The following COL23A1 variants were observed in gnomAD, a reference collection of about 807,000 sequenced individuals.
COL23A1 encodes the protein collagen type XXIII alpha 1 chain, also known as collagen alpha-1(XXIII) chain.
Under a neutral mutation model 99.3 loss-of-function variants are expected in COL23A1, and 97 were observed. The ratio of observed to expected loss-of-function variants is 0.98; its 90% CI spans 0.83 to 1.16. The LOEUF (loss-of-function observed/expected upper bound fraction) is 1.16, where lower values mean the gene tolerates loss of function less well. Ranked by LOEUF, COL23A1 falls within the 50% of genes most tolerant of loss-of-function variation. The pLI is 0.00. For synonymous variants in COL23A1, 320 were observed against 308.2 expected, an observed-to-expected ratio of 1.04 and a Z score of -0.40; for missense variants, 762 against 757.4, an observed-to-expected ratio of 1.01 and a Z score of -0.07.
chr5:178,579,314 A>G (rs1053934295), intron 1 of COL23A1, among the ~76,000 whole-genome samples: 1 of 152,236 alleles, frequency 6.6e-6, no homozygotes, highest in African/African-American at 2.4e-5. Flanking sequence ...ATTCTCACAG[A>G]AACTTTGTGA....
Position 178,306,919 on chromosome 5 carries a change from C to G in COL23A1, c.362G>C (p.Gly121Ala). 3 of 1,529,374 alleles carry G rather than the reference C, an allele frequency of 2.0e-6. No homozygotes were observed. The highest frequency in any genetic ancestry group is 2.6e-6 in the Non-Finnish European group (3 of 1,137,848). 94.7% of individuals were successfully genotyped at this position (1,529,374 alleles called of 1,614,324 possible). A position where few individuals can be genotyped will look rare whatever the true frequency, so the allele number is the denominator to read the frequency against. ...AGGCTTGCCGCGCCGTCCAGGGGGC[C>G]CTAGACAGGAAAACAAGAATGCATT... ...EAPSECVCPP[G>A]PPGRRGKPGR... Residue 121 changes from glycine to alanine, a missense_variant and splice_region_variant, in exon 3 of 29, where the codon GGG becomes GCG. Physicochemically the swap from Gly to Ala is moderately conservative, Grantham distance 60 (BLOSUM62 0). Transcript: ENST00000390654. This position sits in a 1 kb window ranked among gnomAD's most constrained non-coding sequence, Gnocchi z 4.1.
At position 178,369,775 on chromosome 5, in the gene COL23A1, A is replaced by G. The variant is rs997658851; in HGVS notation, c.362-62856T>C. ...CCCAGCCAGGTGGAACTGTAAGTCC[A>G]TTAAATCTCTTTCTTTTGTAAACTG... On this transcript the variant is annotated intron_variant, in intron 2 of 28. Coordinates refer to ENST00000390654, the MANE Select transcript of COL23A1 (RefSeq NM_173465.4). Among the ~76,000 whole-genome samples, 4 of 152,198 alleles carry G rather than the reference A, an allele frequency of 2.6e-5. No individual in the cohort carries two copies. In the East Asian group the frequency reaches 5.8e-4, roughly 22 times the overall value.
At chr5:178,253,364 C>T (rs11249796) in intron 16 of COL23A1, among the ~76,000 whole-genome samples, 48,408 of 151,642 alleles carry the variant, frequency 0.32, 7,897 homozygotes, top group East Asian at 0.57. Flanking sequence ...TACCCTCCCC[C>T]AGGCCCAGGC....
chr5:178,485,058 A>C lies in COL23A1; in HGVS notation c.361+75624T>G, dbSNP rs1046674076. ...GGCTCTGGCAATCTTGACCTAAAAA[A>C]TTAATGAAATGTGTAAAAATGTACT... On this transcript the variant is annotated intron_variant, in intron 2 of 28. Transcript: ENST00000390654. Among the ~76,000 whole-genome samples the C allele has an allele frequency of 2.6e-5, 4 of 152,230 alleles. No individual in the cohort carries two copies. In the East Asian group the frequency reaches 5.8e-4, roughly 22 times the overall value.
chr5:178,248,549 T>G (rs1764839825), intron 19 of COL23A1, among the ~76,000 whole-genome samples: 1 of 152,094 alleles, frequency 6.6e-6, no homozygotes, highest in African/African-American at 2.4e-5. Context: ...TCTAGCCCAG[T>G]GACCATCAGG....
chr5:178,334,212 C>T (rs1005562599), intron 2 of COL23A1, among the ~76,000 whole-genome samples: 1 of 152,192 alleles, frequency 6.6e-6, no homozygotes, highest in Non-Finnish European at 1.5e-5. Flanking sequence ...TAAGCAGCCT[C>T]ACCTCACGTT....
chr5:178,526,948 G>A (rs760696309), intron 2 of COL23A1, among the ~76,000 whole-genome samples: 42 of 152,192 alleles, frequency 2.8e-4, no homozygotes, highest in Non-Finnish European at 3.8e-4. Flanking sequence ...CCAAAAAGAC[G>A]GCCTCCTTTG....
intron 2 of COL23A1, among the ~76,000 whole-genome samples, chr5:178,433,498 C>T (rs1482256516): frequency 6.6e-6 from 1 of 152,144 alleles, no homozygotes; most frequent in African/African-American, 2.4e-5. Context: ...ACTACGGGCA[C>T]AGTTGATCAG....
chr5:178,386,439 CAA>C (rs11329976), intron 2 of COL23A1, among the ~76,000 whole-genome samples: 3,240 of 138,044 alleles, frequency 0.023, 114 homozygotes, highest in African/African-American at 0.078. Flanking sequence ...ACTCCGTCTC[CAA>C]AAAAAAAAAA....
chr5:178,526,005 G>GTAGT (rs1379095834), intron 2 of COL23A1, among the ~76,000 whole-genome samples: 3 of 152,232 alleles, frequency 2.0e-5, no homozygotes, highest in Non-Finnish European at 4.4e-5. Flanking sequence ...ACAGCTTGAG[G>GTAGT]TAGTCAGCAC....
chr5:178,347,143 C>T (rs1302783717), intron 2 of COL23A1, among the ~76,000 whole-genome samples: 4 of 152,174 alleles, frequency 2.6e-5, no homozygotes, highest in Non-Finnish European at 4.4e-5. Flanking sequence ...CGCACTGGCC[C>T]GAGACCTTTC....
chr5:178,249,716 A>ACACACACACACTCACTCTCTCTCTCTCT, intron 18 of COL23A1, among the ~76,000 whole-genome samples: 35 of 92,808 alleles, frequency 3.8e-4, no homozygotes, highest in African/African-American at 9.8e-4. Flanking sequence ...ACACACACAC[A>ACACACACACACTCACTCTCTCTCTCTCT]CTCTCTCTCT....
chr5:178,403,910 A>T (rs1193065130), intron 2 of COL23A1, among the ~76,000 whole-genome samples: 1 of 152,264 alleles, frequency 6.6e-6, no homozygotes, highest in Admixed American at 6.5e-5. Flanking sequence ...ATGGCCTCGA[A>T]GCCACAGGCT....
intron 2 of COL23A1, among the ~76,000 whole-genome samples, chr5:178,401,072 A>G (rs1764421602): frequency 2.0e-5 from 3 of 152,228 alleles, no homozygotes; most frequent in Admixed American, 2.0e-4. Context: ...TATTCTAGGT[A>G]CCTCACATCA....
chr5:178,320,230 G>A (rs1759216221), intron 2 of COL23A1, among the ~76,000 whole-genome samples: 1 of 152,242 alleles, frequency 6.6e-6, no homozygotes, highest in African/African-American at 2.4e-5. Context: ...CTCCCTGAGG[G>A]CAGGGCTCCT....
chr5:178,552,705 TTA>T lies in COL23A1; in HGVS notation c.361+7975_361+7976del, dbSNP rs1491524259. On this transcript the variant is annotated intron_variant, in intron 2 of 28. Transcript: ENST00000390654. Reference sequence around the variant, plus strand: ...TGAGCTCCTAACTCACCAAAAAAAATTAAAAAAAAAAAAAAAAAAATTTTTTT... The same window carrying T: ...TGAGCTCCTAACTCACCAAAAAAAATAAAAAAAAAAAAAAAAAATTTTTTT... Among the ~76,000 whole-genome samples the T allele has an allele frequency of 5.5e-5, 5 of 90,372 alleles. 1 individual carries two copies. Among genetic ancestry groups the T allele is most frequent in the Middle Eastern group, 0.014 (2 of 138 alleles). The allele number at this position is 90,372 out of a possible 152,430, so 59.3% of individuals were successfully genotyped here.
At chr5:178,552,650 A>G (rs1262962266) in intron 2 of COL23A1, among the ~76,000 whole-genome samples, 2 of 151,718 alleles carry the variant, frequency 1.3e-5, no homozygotes, top group Admixed American at 1.3e-4. Context: ...TTTTGAAAGC[A>G]GGAGTTCGAG....
intron 25 of COL23A1, among the ~76,000 whole-genome samples, chr5:178,244,506 GC>G (rs1764570087): frequency 6.6e-6 from 1 of 152,210 alleles, no homozygotes; most frequent in Admixed American, 6.5e-5. Flanking sequence ...ACCAGGGAGA[GC>G]CCATGAAACT....
rs143952504 is a variant in COL23A1, at chr5:178,490,735, C to T, written c.361+69947G>A. 6.4e-3 allele frequency among the ~76,000 whole-genome samples: 976 copies of T among 152,148 alleles called. 14 individuals are homozygous for T. Among genetic ancestry groups the T allele is most frequent in the African/African-American group, 0.02 (838 of 41,464 alleles). ...GAGACTGCAGTGAGCTATCACTGTG[C>T]CACCGTACTCCAGCCTGGGTGACAC... On this transcript the variant is annotated intron_variant, in intron 2 of 28. Coordinates refer to ENST00000390654, the MANE Select transcript of COL23A1 (RefSeq NM_173465.4).
Sources: allele counts gnomAD v4.1 joint callset (sites outside exome capture counted in the v4.1 genomes callset), GRCh38; gene constraint gnomAD v4.1.1; non-coding constraint Gnocchi (gnomAD v3.1); transcripts MANE v1.5; gene names NCBI Gene and HGNC (gene_info 2026-07-23, HGNC 2026-07-21).